Variants in HIVEP2 observed in about 807,000 individuals in gnomAD.
The protein encoded by HIVEP2 is HIVEP zinc finger 2.
Under a neutral mutation model 180.7 loss-of-function variants are expected in HIVEP2, and 14 were observed. The ratio of observed to expected loss-of-function variants is 0.08; its 90% CI spans 0.05 to 0.12. The LOEUF (loss-of-function observed/expected upper bound fraction) is 0.12. Among genes scored for constraint, HIVEP2 ranks in the 10% least tolerant of loss-of-function variants. HIVEP2 has a pLI of 1.00. For missense variants in HIVEP2, 2,579 were observed against 3,008.5 expected (o/e 0.86, Z 3.34); for synonymous variants, 1,184 against 1,136.4 (o/e 1.04, Z -0.84).
chr6:142,912,353 T>C (rs964822541), intron 1 of HIVEP2, among the ~76,000 whole-genome samples: 10 of 152,194 alleles, frequency 6.6e-5, no homozygotes, highest in African/African-American at 2.4e-4. Flanking sequence ...GTGATCGAAC[T>C]TTTGTCCCTC....
rs555175326 is a variant in HIVEP2 at position 142,925,271 on chromosome 6, C to T, written c.-641+19828G>A. On this transcript the variant is annotated intron_variant, in intron 1 of 9. Transcript: ENST00000367603. ...TTATGAAACTTTGTCACTCACATAA[C>T]CTTGTTTGTCCCCAAATTGTTTAAC... is the stretch of plus-strand genomic sequence containing the variant. Among the ~76,000 whole-genome samples the T allele has an allele frequency of 1.8e-4, 27 of 152,322 alleles. 2 individuals carry two copies. Among genetic ancestry groups the T allele is most frequent in the African/African-American group, 6.5e-4 (27 of 41,568 alleles).
chr6:142,924,889 T>C (rs1336536210), intron 1 of HIVEP2, among the ~76,000 whole-genome samples: 1 of 152,196 alleles, frequency 6.6e-6, no homozygotes, highest in Non-Finnish European at 1.5e-5. Flanking sequence ...ACCTCCAACA[T>C]GATGCTGCAT....
chr6:142,846,133 G>A (rs576738822), intron 1 of HIVEP2, among the ~76,000 whole-genome samples: 6 of 152,338 alleles, frequency 3.9e-5, no homozygotes, highest in South Asian at 2.1e-4. Flanking sequence ...CGCCAAAGAC[G>A]CCTGAGAGCG....
chr6:142,934,038 G>A (rs79271705), intron 1 of HIVEP2, among the ~76,000 whole-genome samples: 9,870 of 152,238 alleles, frequency 0.065, 581 homozygotes, highest in East Asian at 0.25. Flanking sequence ...ACAAGCTGTG[G>A]AACTGCTGAC....
intron 9 of HIVEP2, among the ~76,000 whole-genome samples, chr6:142,755,708 A>G (rs1775048101): frequency 6.6e-6 from 1 of 152,210 alleles, no homozygotes; most frequent in Admixed American, 6.5e-5. Context: ...CTCTAAAACT[A>G]CAATAATACT....
chr6:142,878,400 A>T (rs1434270429), intron 1 of HIVEP2, among the ~76,000 whole-genome samples: 1 of 152,218 alleles, frequency 6.6e-6, no homozygotes, highest in African/African-American at 2.4e-5. Context: ...CCATTAAGAT[A>T]ACAACTGAGA....
intron 2 of HIVEP2, among the ~76,000 whole-genome samples, chr6:142,793,622 C>CTCTTTCTTTCCTTCTTTCTTTCTT (rs1554279257): frequency 1.6e-4 from 8 of 50,298 alleles, no homozygotes; most frequent in African/African-American, 1.4e-4. Context: ...ATCCTTCCTT[C>CTCTTTCTTTCCTTCTTTCTTTCTT]TCTTTCTTTC....
At chr6:142,936,059 C>T (rs997780611) in intron 1 of HIVEP2, among the ~76,000 whole-genome samples, 5 of 151,738 alleles carry the variant, frequency 3.3e-5, no homozygotes, top group African/African-American at 1.2e-4. Flanking sequence ...TTGCAGTGAA[C>T]CGTGATCGCG....
chr6:142,895,573 C>T lies in HIVEP2; in HGVS notation c.-641+49526G>A, dbSNP rs1776965117. ...TCATAAGATTTTCAGTCTGCTGATT[C>T]CTGTAAGTGGTTCTTCCATTGAAGC... On this transcript the variant is annotated intron_variant, in intron 1 of 9. Transcript: ENST00000367603. Among the ~76,000 whole-genome samples, 3 of 152,274 alleles carry T rather than the reference C, an allele frequency of 2.0e-5. No homozygotes were observed. The South Asian group carries it at 6.2e-4, about 32-fold the overall frequency.
chr6:142,833,819 T>C (rs985868591), intron 2 of HIVEP2, among the ~76,000 whole-genome samples: 5 of 152,218 alleles, frequency 3.3e-5, no homozygotes, highest in African/African-American at 1.2e-4. Flanking sequence ...AGAAGAAATG[T>C]AGAGCATACA....
chr6:142,903,200 A>C (rs1777174818), intron 1 of HIVEP2, among the ~76,000 whole-genome samples: 1 of 152,250 alleles, frequency 6.6e-6, no homozygotes, highest in Admixed American at 6.5e-5. Context: ...GAGACACTTA[A>C]ACAATTATGT....
intron 1 of HIVEP2, among the ~76,000 whole-genome samples, chr6:142,930,295 T>G (rs1355032287): frequency 6.6e-6 from 1 of 152,202 alleles, no homozygotes; most frequent in Non-Finnish European, 1.5e-5. Flanking sequence ...CATATAAGAA[T>G]GAATGAACCA....
intron 6 of HIVEP2, 79 bp downstream of exon 6, chr6:142,768,303 A>G (rs1775424104): frequency 7.5e-7 from 1 of 1,337,552 alleles, no homozygotes; most frequent in Admixed American, 2.2e-5. Flanking sequence ...ATTAGACAGT[A>G]CCTTTTCCAT....
At chr6:142,855,698 C>T (rs886413096) in intron 1 of HIVEP2, among the ~76,000 whole-genome samples, 10 of 152,166 alleles carry the variant, frequency 6.6e-5, no homozygotes, top group Non-Finnish European at 1.5e-4. Context: ...AGTCTCCCCA[C>T]TGAGTTTTTT....
chr6:142,935,724 T>C (rs1342575248), intron 1 of HIVEP2, among the ~76,000 whole-genome samples: 1 of 152,152 alleles, frequency 6.6e-6, no homozygotes, highest in Non-Finnish European at 1.5e-5. Context: ...TTGAGAATTA[T>C]GACTTTAAAC....
At chr6:142,885,887 A>G (rs1257940268) in intron 1 of HIVEP2, among the ~76,000 whole-genome samples, 3 of 152,184 alleles carry the variant, frequency 2.0e-5, no homozygotes, top group Non-Finnish European at 4.4e-5. Context: ...TCTCCTTCAA[A>G]TAATGATTTC....
intron 1 of HIVEP2, among the ~76,000 whole-genome samples, chr6:142,903,416 G>C (rs1025931334): frequency 2.0e-5 from 3 of 152,188 alleles, no homozygotes; most frequent in African/African-American, 7.2e-5. Flanking sequence ...CTCTCAGTAT[G>C]TAAGTAAATA....
chr6:142,875,301 T>A (rs2128413608), intron 1 of HIVEP2, among the ~76,000 whole-genome samples: 1 of 152,186 alleles, frequency 6.6e-6, no homozygotes, highest in Non-Finnish European at 1.5e-5. Flanking sequence ...AGGAACAGAA[T>A]GAAGGCCATT....
At chr6:142,895,357 A>G (rs7762008) in intron 1 of HIVEP2, among the ~76,000 whole-genome samples, 16,119 of 151,820 alleles carry the variant, frequency 0.11, 1,028 homozygotes, top group South Asian at 0.13. Context: ...TTATTTTCTC[A>G]TCTTTTTTTC....
Sources: gnomAD v4.1 joint callset for allele counts (sites outside exome capture counted in the v4.1 genomes callset) on GRCh38, gnomAD v4.1.1 for gene constraint, MANE v1.5 for transcripts, NCBI Gene and HGNC (gene_info 2026-07-23, HGNC 2026-07-21) for gene names.